Variants in CRHR2 observed in about 807,000 individuals in gnomAD.
CRHR2 encodes corticotropin releasing hormone receptor 2, also known as corticotropin-releasing hormone receptor 2.
CRHR2 carries 53 observed loss-of-function variants against 57.9 expected under a neutral mutation model. That is an observed-to-expected ratio of 0.92 (90% CI 0.73 to 1.15). The LOEUF (loss-of-function observed/expected upper bound fraction) is 1.15. Among genes scored for constraint, CRHR2 ranks in the 50% most tolerant of loss-of-function variants. The pLI, the probability that CRHR2 is intolerant of heterozygous loss-of-function variation, is 0.00. For missense variants in CRHR2, 532 were observed against 542.6 expected (o/e 0.98, Z 0.19); for synonymous variants, 213 against 220.9 (o/e 0.96, Z 0.32).
chr7:30,680,137 T>C (rs562824119), intron 2 of CRHR2, among the ~76,000 whole-genome samples: 18 of 152,334 alleles, frequency 1.2e-4, no homozygotes, highest in African/African-American at 4.3e-4. Context: ...GAAGTCTTCC[T>C]TGTCACCCCG....
At chr7:30,675,185 G>A (rs931630547) in intron 2 of CRHR2, among the ~76,000 whole-genome samples, 1 of 152,184 alleles carries the variant, frequency 6.6e-6, no homozygotes, top group African/African-American at 2.4e-5. Context: ...CACCTGGTGA[G>A]GGTGGGCAGT....
chr7:30,675,283 T>G (rs896325581), intron 2 of CRHR2, among the ~76,000 whole-genome samples: 1 of 152,210 alleles, frequency 6.6e-6, no homozygotes, highest in African/African-American at 2.4e-5. Context: ...GGCTCCTCCT[T>G]CAGCCCGTCT....
At chr7:30,699,200 G>T (rs1785117703) in intron 1 of CRHR2, among the ~76,000 whole-genome samples, 1 of 152,162 alleles carries the variant, frequency 6.6e-6, no homozygotes, top group Non-Finnish European at 1.5e-5. Context: ...ACTCCCACCA[G>T]CCTCTCCCCT....
At chr7:30,692,261 T>C (rs1304485092) in intron 1 of CRHR2, among the ~76,000 whole-genome samples, 1 of 152,164 alleles carries the variant, frequency 6.6e-6, no homozygotes, top group African/African-American at 2.4e-5. Context: ...TCATCGGGAC[T>C]CCCAAGGCCC....
intron 7 of CRHR2, among the ~76,000 whole-genome samples, chr7:30,661,615 C>T (rs997811376): frequency 7.9e-5 from 12 of 152,172 alleles, no homozygotes; most frequent in African/African-American, 2.7e-4. Flanking sequence ...CTGGTGACAC[C>T]TGACTTTCTG....
rs1248067474 is a variant in CRHR2, at chr7:30,653,505, G to A, written c.1191C>T (p.Pro397=). Reference sequence around the variant, plus strand: ...TGATGCTGTGGAAGCTGATCCGTGTGGGTGATGTAGGGATGGACATGGCCC... The same window carrying A: ...TGATGCTGTGGAAGCTGATCCGTGTAGGTGATGTAGGGATGGACATGGCCC... The part of the protein sequence containing the change: ...MARAMSIPTS[P]TRISFHSIKQ... Residue 397 remains proline (P), a synonymous_variant, in exon 12 of 12, where the codon CCC becomes CCT. Coordinates refer to ENST00000471646, the MANE Select transcript of CRHR2 (RefSeq NM_001883.5). This position sits in a 1 kb window ranked among gnomAD's most constrained non-coding sequence, Gnocchi z 5.0. 6.2e-7 allele frequency: 1 copy of A among 1,613,506 alleles called. No homozygotes were observed. Among genetic ancestry groups the A allele is most frequent in the East Asian group, 2.2e-5 (1 of 44,840 alleles).
chr7:30,685,554 A>G (rs1784839649), upstream of CRHR2, among the ~76,000 whole-genome samples: 1 of 152,104 alleles, frequency 6.6e-6, no homozygotes, highest in African/African-American at 2.4e-5. Context: ...GCCCTGTAGC[A>G]CTGGAGACAG....
Position 30,675,944 on chromosome 7 carries a change from T to G in CRHR2, c.229+5971A>C, listed in dbSNP as rs558035408. Among the ~76,000 whole-genome samples, 4 of 152,306 alleles carry G rather than the reference T, an allele frequency of 2.6e-5. No individual in the cohort carries two copies. In the East Asian group the frequency reaches 7.7e-4, roughly 29 times the overall value. ...TCAGAACCCCAATAAGGGGTGAGCCTGAGCAAGACGATCAGGTGGCTGGAG... is the reference window on the plus strand; with the variant it reads ...TCAGAACCCCAATAAGGGGTGAGCCGGAGCAAGACGATCAGGTGGCTGGAG... On this transcript the variant is annotated intron_variant, in intron 2 of 11. Transcript: ENST00000471646.
chr7:30,666,939 G>A (rs1784205593), intron 3 of CRHR2, among the ~76,000 whole-genome samples: 1 of 152,224 alleles, frequency 6.6e-6, no homozygotes, highest in South Asian at 2.1e-4. Flanking sequence ...CCCCTAAGAT[G>A]TTAGGAGCAT....
At chr7:30,658,525 G>T (rs1168363749) in intron 8 of CRHR2, among the ~76,000 whole-genome samples, 2 of 152,180 alleles carry the variant, frequency 1.3e-5, no homozygotes, top group Non-Finnish European at 2.9e-5. Flanking sequence ...AACTGAAGAT[G>T]AGGCCCCCCT....
intron 2 of CRHR2, among the ~76,000 whole-genome samples, chr7:30,670,163 C>G (rs1041474654): frequency 4.6e-5 from 7 of 152,088 alleles, no homozygotes; most frequent in African/African-American, 1.7e-4. Context: ...TCCAGCTGTA[C>G]TATTTTCCTT....
intron 1 of CRHR2, among the ~76,000 whole-genome samples, chr7:30,690,236 G>A (rs1363524845): frequency 1.3e-5 from 2 of 152,176 alleles, no homozygotes; most frequent in Non-Finnish European, 2.9e-5. Flanking sequence ...GGTTTTGAAG[G>A]GTGAGTAGGA....
intron 1 of CRHR2, chr7:30,699,929 A>G (rs766304434): frequency 1.3e-6 from 2 of 1,504,020 alleles, no homozygotes; most frequent in Non-Finnish European, 1.8e-6. Context: ...GTGGACTCCC[A>G]CTCCCTGCAC....
At chr7:30,685,186 G>A (rs1305570915), upstream of CRHR2, among the ~76,000 whole-genome samples, 1 of 152,208 alleles carries the variant, frequency 6.6e-6, no homozygotes, top group Non-Finnish European at 1.5e-5. Flanking sequence ...TCTGATGTCA[G>A]CTGCAGCAGC....
chr7:30,665,010 T>A lies in CRHR2; in HGVS notation c.543+60A>T, dbSNP rs1028605197. On this transcript the variant is annotated intron_variant, in intron 5 of 11. Transcript: ENST00000471646. This position sits in a 1 kb window ranked among gnomAD's most constrained non-coding sequence, Gnocchi z 4.5. ...TCCAAGCAGAGACCAGACAGACAGA[T>A]GGGTGCCCCCGGAGCCCAGAGCCCC... 2.2e-5 allele frequency: 30 copies of A among 1,375,150 alleles called. No individual in the cohort carries two copies. Among genetic ancestry groups the A allele is most frequent in the Non-Finnish European group, 2.5e-5 (24 of 962,868 alleles). 85.2% of individuals were successfully genotyped at this position (1,375,150 alleles called of 1,614,324 possible). A position where few individuals can be genotyped will look rare whatever the true frequency, so the allele number is the denominator to read the frequency against.
intron 2 of CRHR2, among the ~76,000 whole-genome samples, chr7:30,675,629 G>T (rs574864958): frequency 6.6e-6 from 1 of 152,104 alleles, no homozygotes; most frequent in Admixed American, 6.5e-5. Flanking sequence ...CCTTCCATCT[G>T]ACACATCATT....
chr7:30,681,779 G>T (rs1224325168), intron 2 of CRHR2, 136 bp downstream of exon 2: 3 of 1,317,992 alleles, frequency 2.3e-6, no homozygotes, highest in Non-Finnish European at 9.9e-7. Flanking sequence ...ACTGTAAGGG[G>T]TCCTTAACGC....
intron 7 of CRHR2, among the ~76,000 whole-genome samples, chr7:30,661,123 C>G (rs556846431): frequency 6.6e-6 from 1 of 152,230 alleles, no homozygotes; most frequent in African/African-American, 2.4e-5. Context: ...TGGGATTTTG[C>G]GTCTTTGAGC....
intron 1 of CRHR2, among the ~76,000 whole-genome samples, chr7:30,697,310 C>A (rs905609918): frequency 2.0e-5 from 3 of 152,156 alleles, no homozygotes; most frequent in African/African-American, 7.2e-5. Flanking sequence ...GTCTCGCTGT[C>A]CAAAGCTCCA....
Sources: gnomAD v4.1 joint callset for allele counts (sites outside exome capture counted in the v4.1 genomes callset) on GRCh38, gnomAD v4.1.1 for gene constraint, Gnocchi (gnomAD v3.1) non-coding constraint, MANE v1.5 for transcripts, NCBI Gene and HGNC (gene_info 2026-07-23, HGNC 2026-07-21) for gene names.